Variants in BAG3 observed in about 807,000 individuals in gnomAD.
BAG3 encodes the protein BAG cochaperone 3, also known as BAG family molecular chaperone regulator 3.
BAG3 carries 14 observed loss-of-function variants against 40.5 expected under a neutral mutation model. The observed-to-expected ratio is 0.35, with a 90% CI of 0.23 to 0.54. The LOEUF (loss-of-function observed/expected upper bound fraction) is 0.54, where lower values mean the gene tolerates loss of function less well. Ranked by LOEUF, BAG3 falls within the 20% of genes least tolerant of loss-of-function variation. BAG3 has a pLI of 0.91. For synonymous variants in BAG3, 302 were observed against 307.8 expected (o/e 0.98, Z 0.20); for missense variants, 788 against 758.6 (o/e 1.04, Z -0.46).
In BAG3 at chr10:119,672,442, A is replaced by T. The variant is rs746241240; in HGVS notation, c.695A>T (p.His232Leu). The change falls in exon 3 of 4, where the codon CAC (histidine) becomes CTC (leucine). Residue 232 changes from histidine (H) to leucine (L), a missense_variant. Physicochemically the swap from His to Leu is moderately conservative, Grantham distance 99 (BLOSUM62 -3). Coordinates refer to ENST00000369085, the MANE Select transcript of BAG3 (RefSeq NM_004281.4). This position sits in a 1 kb window ranked among gnomAD's most constrained non-coding sequence, Gnocchi z 4.8. The stretch of plus-strand genomic sequence containing the variant: ...TCCTTCCACCAAGCCCAGAAGACGC[A>T]CTACCCAGCGCAGCAGGGGGAGTAC... ...QPSFHQAQKTHYPAQQGEYQT... is the reference protein window; with the variant it reads ...QPSFHQAQKTLYPAQQGEYQT... 8 of 1,614,166 alleles carry T rather than the reference A, an allele frequency of 5.0e-6. No individual in the cohort carries two copies. Among genetic ancestry groups the T allele is most frequent in the Non-Finnish European group, 6.8e-6 (8 of 1,180,038 alleles).
chr10:119,670,130 G>C lies in BAG3; in HGVS notation c.460G>C (p.Val154Leu), dbSNP rs376198104. Reference protein sequence around the residue: ...TTQPDKQCGQVAAAAAAQPPA... With the variant: ...TTQPDKQCGQLAAAAAAQPPA... ...TCAGCCAGATAAACAGTGTGGACAG[G>C]TGGCAGCGGCGGCGGCAGCCCAGCC... The change falls in exon 2 of 4, where the codon GTG becomes CTG. Residue 154 changes from valine (V) to leucine (L), a missense_variant. By Grantham distance (32) the Val-to-Leu change is conservative. Coordinates refer to ENST00000369085, the MANE Select transcript of BAG3 (RefSeq NM_004281.4). 3.0e-5 allele frequency: 49 copies of C among 1,612,740 alleles called. No homozygotes were observed. The highest frequency in any genetic ancestry group is 4.0e-5 in the Non-Finnish European group (47 of 1,179,304).
rs1847040855 is a variant in BAG3, at chr10:119,665,088, T to TTGTTTTGTGTGTGTG, written c.181-4758_181-4757insTGTGTGTGTGTGTTT. Reference sequence around the variant, plus strand: ...ACCCGCCACCACACACAGCTAATTTTTGTTTGTGTGTGTGTGTGTGTGTGT... The same window carrying TTGTTTTGTGTGTGTG: ...ACCCGCCACCACACACAGCTAATTTTTGTTTTGTGTGTGTGTGTTTGTGTGTGTGTGTGTGTGTGT... On this transcript the variant is annotated intron_variant, in intron 1 of 3. Coordinates refer to ENST00000369085, the MANE Select transcript of BAG3 (RefSeq NM_004281.4). Among the ~76,000 whole-genome samples, 3 of 61,872 alleles carry TTGTTTTGTGTGTGTG rather than the reference T, an allele frequency of 4.8e-5. 1 individual carries two copies. The South Asian group carries it at 1.6e-3, about 32-fold the overall frequency. The allele number at this position is 61,872 out of a possible 152,430, so 40.6% of individuals were successfully genotyped here.
intron 2 of BAG3, among the ~76,000 whole-genome samples, chr10:119,671,355 G>A (rs1847147698): frequency 6.6e-6 from 1 of 152,194 alleles, no homozygotes; most frequent in South Asian, 2.1e-4. Flanking sequence ...TTTGCTGCAA[G>A]AAATCAAAGT....
rs1275182819 is a variant in BAG3 at position 119,651,825 on chromosome 10, C to T, written c.150C>T (p.Asn50=). 6.3e-7 allele frequency: 1 copy of T among 1,591,036 alleles called. No individual in the cohort carries two copies. Among genetic ancestry groups the T allele is most frequent in the South Asian group, 1.1e-5 (1 of 88,346 alleles). Residue 50 remains asparagine (N), a synonymous_variant, in exon 1 of 4, where the codon AAC becomes AAT. Transcript: ENST00000369085. ...VDHNSRTTTW[N]DPRVPSEGPK... is the part of the protein sequence containing the mutation. Reference sequence around the variant, plus strand: ...ACAACAGCCGCACCACTACGTGGAACGACCCGCGCGTGCCCTCTGAGGGCC... The same window carrying T: ...ACAACAGCCGCACCACTACGTGGAATGACCCGCGCGTGCCCTCTGAGGGCC...
chr10:119,664,208 G>T (rs1042168690), intron 1 of BAG3, among the ~76,000 whole-genome samples: 2 of 152,080 alleles, frequency 1.3e-5, no homozygotes, highest in Non-Finnish European at 2.9e-5. Context: ...CCTGACCTCA[G>T]GCTTTCTCTA....
intron 3 of BAG3, 37 bp from the exon 4 acceptor site, chr10:119,676,427 C>G (rs748320493): frequency 7.5e-5 from 120 of 1,602,204 alleles, no homozygotes; most frequent in Non-Finnish European, 9.7e-5. Context: ...GACTTTCAGT[C>G]AGTTATTAAA....
At chr10:119,673,640 T>G (rs1484481362) in intron 3 of BAG3, among the ~76,000 whole-genome samples, 1 of 152,230 alleles carries the variant, frequency 6.6e-6, no homozygotes, top group African/African-American at 2.4e-5. Flanking sequence ...TGTGGGATAT[T>G]CTTTCATTAC....
intron 3 of BAG3, among the ~76,000 whole-genome samples, chr10:119,674,306 G>T (rs1466424777): frequency 6.6e-6 from 1 of 152,222 alleles, no homozygotes; most frequent in Non-Finnish European, 1.5e-5. Context: ...TGGAAAAGGA[G>T]GTTGCTGGAG....
intron 1 of BAG3, among the ~76,000 whole-genome samples, chr10:119,663,308 T>C (rs1847017430): frequency 6.6e-6 from 1 of 152,082 alleles, no homozygotes; most frequent in Admixed American, 6.5e-5. Flanking sequence ...TTTTTTGTTG[T>C]TGTTTTTTTA....
chr10:119,654,292 A>G (rs73351948), intron 1 of BAG3, among the ~76,000 whole-genome samples: 3,327 of 152,318 alleles, frequency 0.022, 116 homozygotes, highest in African/African-American at 0.076. Flanking sequence ...CCGTCTGAGC[A>G]TCATCATCTT....
At chr10:119,675,833 C>CCGCTT (rs1847218529) in intron 3 of BAG3, among the ~76,000 whole-genome samples, 1 of 49,466 alleles carries the variant, frequency 2.0e-5, no homozygotes, top group East Asian at 8.6e-4. Flanking sequence ...TCCCCCTTCC[C>CCGCTT]CCTTCCCTCC....
intron 3 of BAG3, among the ~76,000 whole-genome samples, chr10:119,675,767 C>T (rs1239259202): frequency 9.7e-6 from 1 of 103,620 alleles, no homozygotes; most frequent in African/African-American, 3.5e-5. Flanking sequence ...TTCCTTCCTT[C>T]CCTCCTTCCC....
At chr10:119,676,442 TA>T in intron 3 of BAG3, 21 bp from the exon 4 acceptor site, 2 of 1,611,302 alleles carry the variant, frequency 1.2e-6, no homozygotes, top group South Asian at 1.1e-5. Flanking sequence ...ATTAAAAATA[TA>T]TTTTTGTGTC....
intron 1 of BAG3, among the ~76,000 whole-genome samples, chr10:119,666,656 T>C (rs1367818970): frequency 1.1e-5 from 1 of 93,736 alleles, no homozygotes; most frequent in African/African-American, 4.0e-5. Flanking sequence ...ATCCAGGGGC[T>C]TCCCCCAGGA....
intron 1 of BAG3, among the ~76,000 whole-genome samples, chr10:119,661,762 C>A (rs1488341586): frequency 1.3e-4 from 20 of 151,988 alleles, no homozygotes; most frequent in Admixed American, 1.3e-3. Flanking sequence ...AAGCCTAACT[C>A]CTCAGGTGTC....
At chr10:119,673,157 T>A (rs1468555658) in intron 3 of BAG3, among the ~76,000 whole-genome samples, 1 of 152,202 alleles carries the variant, frequency 6.6e-6, no homozygotes, top group Non-Finnish European at 1.5e-5. Flanking sequence ...CCCTGTCCTC[T>A]GAGGGACGAG....
At chr10:119,652,293 C>T (rs1033470389) in intron 1 of BAG3, among the ~76,000 whole-genome samples, 4 of 152,166 alleles carry the variant, frequency 2.6e-5, no homozygotes, top group Non-Finnish European at 5.9e-5. Flanking sequence ...CCCTGCTGAC[C>T]GCGGACTCGA....
intron 3 of BAG3, among the ~76,000 whole-genome samples, chr10:119,675,982 A>G (rs867702292): frequency 3.5e-5 from 4 of 112,998 alleles, no homozygotes; most frequent in East Asian, 2.4e-4. Flanking sequence ...CTGGAGTGCA[A>G]TGACATAATC....
intron 3 of BAG3, among the ~76,000 whole-genome samples, chr10:119,673,912 A>G (rs554614263): frequency 2.0e-5 from 3 of 152,232 alleles, no homozygotes; most frequent in Non-Finnish European, 1.5e-5. Flanking sequence ...ATATTTTCCT[A>G]AGAGGAAGAC....
Sources: gnomAD v4.1 joint callset for allele counts (sites outside exome capture counted in the v4.1 genomes callset) on GRCh38, gnomAD v4.1.1 for gene constraint, Gnocchi (gnomAD v3.1) non-coding constraint, MANE v1.5 for transcripts, NCBI Gene and HGNC (gene_info 2026-07-23, HGNC 2026-07-21) for gene names.